The following ANK1 variants were observed in gnomAD, a reference collection of about 807,000 sequenced individuals.
The protein encoded by ANK1 is ankyrin-1.
ANK1 carries 51 observed loss-of-function variants against 210.4 expected under a neutral mutation model. The observed-to-expected ratio is 0.24, with a 90% CI of 0.19 to 0.31. ANK1 has a LOEUF of 0.31. Ranked by LOEUF, ANK1 falls within the 10% of genes least tolerant of loss-of-function variation. The pLI is 1.00. For synonymous variants in ANK1, 967 were observed against 1,025.9 expected, an observed-to-expected ratio of 0.94 and a Z score of 1.10; for missense variants, 2,051 against 2,504.4, an observed-to-expected ratio of 0.82 and a Z score of 3.86.
rs754903343 is a variant in ANK1 at position 41,714,185 on chromosome 8, G to C, written c.1771C>G (p.Arg591Gly). The change falls in exon 16 of 43, where the codon CGG becomes GGG. Residue 591 changes from arginine to glycine, a missense_variant. Transcript: ENST00000289734. Reference sequence around the variant, plus strand: ...GCAGGGCTGTGCGGGGAGCCGCCCCGGGGAAGCAGCAGCTTGACGATGTCC... The same window carrying C: ...GCAGGGCTGTGCGGGGAGCCGCCCCCGGGAAGCAGCAGCTTGACGATGTCC... The part of the protein sequence containing the change: ...NLDIVKLLLP[R>G]GGSPHSPAWN... 1 of 1,464,022 alleles carries C rather than the reference G, an allele frequency of 6.8e-7. No homozygotes were observed. Among genetic ancestry groups the C allele is most frequent in the South Asian group, 1.6e-5 (1 of 63,652 alleles). 90.7% of individuals were successfully genotyped at this position (1,464,022 alleles called of 1,614,324 possible). A position where few individuals can be genotyped will look rare whatever the true frequency, so the allele number is the denominator to read the frequency against.
At chr8:41,707,809 C>A (rs961957070) in intron 17 of ANK1, among the ~76,000 whole-genome samples, 3 of 152,080 alleles carry the variant, frequency 2.0e-5, no homozygotes, top group Admixed American at 6.5e-5. Flanking sequence ...AGATTTTGTA[C>A]AAAATGTGCC....
intron 1 of ANK1, among the ~76,000 whole-genome samples, chr8:41,835,902 C>T (rs1807597826): frequency 6.6e-6 from 1 of 152,214 alleles, no homozygotes; most frequent in African/African-American, 2.4e-5. Flanking sequence ...CTGGGAGGAC[C>T]CTCATGCCCA....
Position 41,725,778 on chromosome 8 carries a change from G to T in ANK1, c.595C>A (p.Pro199Thr). The change falls in exon 6 of 43, where the codon CCG becomes ACG. Residue 199 changes from proline to threonine, a missense_variant. By Grantham distance (38) the Pro-to-Thr change is conservative. This residue lies in a region of ANK1 where 1,413 missense variants were observed against 1,707.4 expected (regional missense o/e 0.83). Transcript: ENST00000289734. ...GCCCTCACCTTGGAAAGCACGTCCG[G>T]GTTGGGGTCGTTCTGCAGCAGCACC... ...AAVLLQNDPN[P>T]DVLSKTGFTP... 1 of 1,610,864 alleles carries T rather than the reference G, an allele frequency of 6.2e-7. No homozygotes were observed. Among genetic ancestry groups the T allele is most frequent in the South Asian group, 1.1e-5 (1 of 90,800 alleles).
At chr8:41,757,998 C>T (rs1241385342) in intron 2 of ANK1, 38 bp downstream of exon 2, 1 of 1,564,298 alleles carries the variant, frequency 6.4e-7, no homozygotes, top group Admixed American at 1.7e-5. Flanking sequence ...GCAAGAGCTA[C>T]TCTTCAGAGA....
Position 41,717,711 on chromosome 8 carries a change from G to A in ANK1, c.1207-9C>T, listed in dbSNP as rs1324703638. On this transcript the variant is annotated splice_polypyrimidine_tract_variant and intron_variant, in intron 11 of 42. Transcript: ENST00000289734. Reference sequence around the variant, plus strand: ...AGAGGTGTCAGGCCAGACTGAAACAGACAAAGGCAGAGTCCGATAAGTGGG... The same window carrying A: ...AGAGGTGTCAGGCCAGACTGAAACAAACAAAGGCAGAGTCCGATAAGTGGG... 8.4e-6 allele frequency: 13 copies of A among 1,548,908 alleles called. No individual in the cohort carries two copies. Among genetic ancestry groups the A allele is most frequent in the Admixed American group, 5.9e-5 (3 of 50,994 alleles).
At chr8:41,794,970 C>T (rs756750443) in intron 1 of ANK1, among the ~76,000 whole-genome samples, 1 of 152,238 alleles carries the variant, frequency 6.6e-6, no homozygotes, top group African/African-American at 2.4e-5. Context: ...TCCCAAAGTG[C>T]TGGGATTACC....
chr8:41,809,721 C>T (rs1226265378), intron 1 of ANK1, among the ~76,000 whole-genome samples: 4 of 152,144 alleles, frequency 2.6e-5, no homozygotes, highest in East Asian at 1.9e-4. Flanking sequence ...GAGCTATGAT[C>T]GTACCACCAC....
chr8:41,794,608 G>GT (rs1848388734), intron 1 of ANK1, among the ~76,000 whole-genome samples: 1 of 152,184 alleles, frequency 6.6e-6, no homozygotes, highest in East Asian at 1.9e-4. Context: ...CAAGGACAGA[G>GT]TTTTTGTCAG....
At chr8:41,776,474 C>T (rs1011485942) in intron 1 of ANK1, among the ~76,000 whole-genome samples, 10 of 152,154 alleles carry the variant, frequency 6.6e-5, no homozygotes, top group African/African-American at 2.4e-4. Context: ...CATGTAACCT[C>T]CATTGCACAC....
Position 41,684,576 on chromosome 8 carries a change from C to T in ANK1, c.4505G>A (p.Arg1502His), listed in dbSNP as rs375706149. Residue 1502 changes from arginine to histidine, a missense_variant, in exon 37 of 43, where the codon CGC becomes CAC. Arg to His is a conservative substitution (Grantham distance 29). Transcript: ENST00000289734. ...CTGGGAGGGTGACAGCGAGTAGTCG[C>T]GGTCGGTGTGCCGCCTGTCTGGCTT... is the stretch of plus-strand genomic sequence containing the variant. ...NLKPDRRHTD[R>H]DYSLSPSQMN... is the part of the protein sequence containing the mutation. 3.8e-5 allele frequency: 61 copies of T among 1,613,672 alleles called. No homozygotes were observed. The highest frequency in any genetic ancestry group is 8.0e-5 in the African/African-American group (6 of 74,948).
intron 24 of ANK1, 162 bp downstream of exon 24, chr8:41,697,881 G>T (rs983983756): frequency 6.7e-6 from 5 of 742,080 alleles, no homozygotes; most frequent in African/African-American, 3.5e-5. Flanking sequence ...CACCAATGTT[G>T]CACCATTATG....
At chr8:41,798,194 G>C (rs1849180664), upstream of ANK1, among the ~76,000 whole-genome samples, 1 of 151,412 alleles carries the variant, frequency 6.6e-6, no homozygotes, top group African/African-American at 2.4e-5. Flanking sequence ...CTTCTGGCCG[G>C]CCCCTCCGCC....
intron 1 of ANK1, among the ~76,000 whole-genome samples, chr8:41,891,616 C>G (rs190050896): frequency 8.1e-4 from 124 of 152,344 alleles, no homozygotes; most frequent in African/African-American, 2.5e-3. Flanking sequence ...GAGGAGAGAT[C>G]CTGGGAACAG....
chr8:41,866,951 C>T (rs920900880), intron 1 of ANK1, among the ~76,000 whole-genome samples: 2 of 152,240 alleles, frequency 1.3e-5, no homozygotes, highest in South Asian at 4.1e-4. Context: ...TCCCTGCTTT[C>T]AATTCCTTTG....
At position 41,717,068 on chromosome 8, in the gene ANK1, T is replaced by G. The variant is rs1319570426; in HGVS notation, c.1306-17A>C. The G allele has an allele frequency of 6.2e-7, 1 of 1,613,216 alleles. No individual in the cohort carries two copies. The highest frequency in any genetic ancestry group is 8.5e-7 in the Non-Finnish European group (1 of 1,179,344). ...CTCCACTTTCTATAAAATAACAAAA[T>G]TATAGAACTGTTCATACATGCCTGC... On this transcript the variant is annotated splice_polypyrimidine_tract_variant and intron_variant, in intron 12 of 42. Coordinates refer to ENST00000289734, the MANE Select transcript of ANK1 (RefSeq NM_000037.4).
At chr8:41,840,905 G>A (rs529927275) in intron 1 of ANK1, among the ~76,000 whole-genome samples, 4 of 152,298 alleles carry the variant, frequency 2.6e-5, no homozygotes, top group African/African-American at 9.6e-5. Context: ...CAAACAAGGA[G>A]TGCTGGCCAG....
chr8:41,828,593 C>A (rs1376147074), intron 1 of ANK1: 4 of 154,294 alleles, frequency 2.6e-5, no homozygotes, highest in Non-Finnish European at 4.4e-5. Context: ...ATTCCCATAC[C>A]GAGGCCTCTT....
Position 41,704,370 on chromosome 8 carries a change from G to C in ANK1, c.2196+4C>G, listed in dbSNP as rs752785277. ...CAGGAGTCGGGGCTGGGGCACCCCT[G>C]TACCTTGGTCTTGGCATTGACATCT... On this transcript the variant is annotated splice_donor_region_variant and intron_variant, in intron 19 of 42. Coordinates refer to ENST00000289734, the MANE Select transcript of ANK1 (RefSeq NM_000037.4). This position sits in a 1 kb window ranked among gnomAD's most constrained non-coding sequence, Gnocchi z 4.1. 1.9e-6 allele frequency: 3 copies of C among 1,613,616 alleles called. No homozygotes were observed. The South Asian group carries it at 3.3e-5, about 18-fold the overall frequency.
intron 1 of ANK1, among the ~76,000 whole-genome samples, chr8:41,867,859 GTGTT>G (rs35695141): frequency 3.3e-5 from 5 of 151,764 alleles, no homozygotes; most frequent in African/African-American, 1.2e-4. Context: ...TCTAAAGCAG[GTGTT>G]TGTTTGTTTG....
Sources: gnomAD v4.1 joint callset for allele counts (sites outside exome capture counted in the v4.1 genomes callset) on GRCh38, gnomAD v4.1.1 for gene constraint, gnomAD v4.1.1 regional missense constraint, Gnocchi (gnomAD v3.1) non-coding constraint, MANE v1.5 for transcripts, NCBI Gene and HGNC (gene_info 2026-07-23, HGNC 2026-07-21) for gene names.